ZNF30: variants seen among roughly 807,000 people sequenced by gnomAD.
ZNF30 encodes zinc finger protein 30 (KOX 28).
A neutral mutation model predicts 13.2 loss-of-function variants in ZNF30; 15 were observed. That is an observed-to-expected ratio of 1.13 (90% CI 0.76 to 1.75). ZNF30 has a LOEUF of 1.75. ZNF30 is among the 40% of genes most tolerant of loss of function. ZNF30 has a pLI of 0.00. For missense variants in ZNF30, 726 were observed against 757.0 expected (o/e 0.96, Z 0.48); for synonymous variants, 223 against 256.6 (o/e 0.87, Z 1.25).
At chr19:34,930,044 T>C (rs2012363822) in intron 2 of ZNF30, 88 bp downstream of exon 2, 1 of 1,328,574 alleles carries the variant, frequency 7.5e-7, no homozygotes, top group Non-Finnish European at 1.1e-6. Flanking sequence ...TTCATCAGAA[T>C]GTACCATCTA....
intron 1 of ZNF30, 25 bp from the exon 2 acceptor site, chr19:34,929,859 C>T (rs1484799391): frequency 4.7e-6 from 6 of 1,280,308 alleles, no homozygotes; most frequent in African/African-American, 1.6e-5. Flanking sequence ...CTAAAGCCTC[C>T]TTTTCTCCTC....
At chr19:34,942,635 T>C (rs2013102277) in intron 4 of ZNF30, 1 of 1,289,190 alleles carries the variant, frequency 7.8e-7, no homozygotes, top group Non-Finnish European at 1.0e-6. Context: ...TGCCAGAAGA[T>C]TTTTAGGCGA....
At chr19:34,926,896 G>GGGC (rs1228200568), upstream of ZNF30, 37 of 398,076 alleles carry the variant, frequency 9.3e-5, no homozygotes, top group Middle Eastern at 6.2e-4. Flanking sequence ...GGGCGCCGGT[G>GGGC]GGCGGCCTTG....
chr19:34,933,043 G>T (rs915286629), intron 3 of ZNF30, among the ~76,000 whole-genome samples: 1 of 151,986 alleles, frequency 6.6e-6, no homozygotes, highest in East Asian at 1.9e-4. Flanking sequence ...GCCTCCAAAA[G>T]TGCTGGGATT....
chr19:34,944,480 T>A lies in ZNF30; in HGVS notation c.1514T>A (p.Ile505Asn). 1.2e-6 allele frequency: 2 copies of A among 1,613,424 alleles called. No homozygotes were observed. The highest frequency in any genetic ancestry group is 1.7e-6 in the Non-Finnish European group (2 of 1,179,872). ...RASYLVQHSRIHTGKKPYECK... is the reference protein window; with the variant it reads ...RASYLVQHSRNHTGKKPYECK... Reference sequence around the variant, plus strand: ...TCGTACCTTGTACAACATAGCAGAATCCATACTGGTAAGAAGCCCTATGAG... The same window carrying A: ...TCGTACCTTGTACAACATAGCAGAAACCATACTGGTAAGAAGCCCTATGAG... The change falls in exon 5 of 5, where the codon ATC becomes AAC. Residue 505 changes from isoleucine (I) to asparagine (N), a missense_variant. Ile to Asn is a moderately radical substitution (Grantham distance 149). Coordinates refer to ENST00000601142, the MANE Select transcript of ZNF30 (RefSeq NM_194325.3).
intron 2 of ZNF30, among the ~76,000 whole-genome samples, chr19:34,930,226 C>G (rs753425842): frequency 1.3e-5 from 2 of 152,096 alleles, no homozygotes; most frequent in Non-Finnish European, 2.9e-5. Context: ...ATTGAAGTCC[C>G]GTGGCAGAAG....
At position 34,943,481 on chromosome 19, in the gene ZNF30, G is replaced by T; in HGVS notation, c.515G>T (p.Gly172Val). 1 of 1,613,938 alleles carries T rather than the reference G, an allele frequency of 6.2e-7. No individual in the cohort carries two copies. Among genetic ancestry groups the T allele is most frequent in the East Asian group, 2.2e-5 (1 of 44,884 alleles). The change falls in exon 5 of 5, where the codon GGT becomes GTT. Residue 172 changes from glycine to valine, a missense_variant. Gly to Val is a moderately radical substitution (Grantham distance 109, BLOSUM62 -3). Coordinates refer to ENST00000601142, the MANE Select transcript of ZNF30 (RefSeq NM_194325.3). ...ACCATACATCAGAGATTGCATGTTG[G>T]TGAGAAACCCTATAAATATGAAAAA... ...QLTIHQRLHV[G>V]EKPYKYEKCG... is the part of the protein sequence containing the mutation.
In ZNF30 at chr19:34,944,034, T is replaced by A. The variant is rs1201059180; in HGVS notation, c.1068T>A (p.Ser356Arg). 12 of 1,613,710 alleles carry A rather than the reference T, an allele frequency of 7.4e-6. No individual in the cohort carries two copies. The highest frequency in any genetic ancestry group is 1.0e-5 in the Non-Finnish European group (12 of 1,179,946). ...CKECGKAFRL[S>R]SFLHAHQRIH... ...AATGTGGAAAGGCCTTTAGACTTAG[T>A]TCCTTCCTTCATGCACATCAGCGAA... The change falls in exon 5 of 5, where the codon AGT becomes AGA. Residue 356 changes from serine (S) to arginine (R), a missense_variant. Coordinates refer to ENST00000601142, the MANE Select transcript of ZNF30 (RefSeq NM_194325.3).
chr19:34,942,745 T>A (rs148240785), intron 4 of ZNF30: 1 of 640,252 alleles, frequency 1.6e-6, no homozygotes, highest in Non-Finnish European at 2.5e-6. Context: ...GAGGGAGTTG[T>A]GTCTTGATAT....
chr19:34,938,609 A>G (rs1315656423), intron 4 of ZNF30, among the ~76,000 whole-genome samples: 1 of 152,136 alleles, frequency 6.6e-6, no homozygotes, highest in Non-Finnish European at 1.5e-5. Context: ...CTTTATTCCT[A>G]AATACTCCAG....
chr19:34,935,165 A>C (rs2012660321), intron 4 of ZNF30, among the ~76,000 whole-genome samples: 1 of 152,056 alleles, frequency 6.6e-6, no homozygotes, highest in African/African-American at 2.4e-5. Context: ...CAGGAGGCGG[A>C]GCTTGCAGTG....
At chr19:34,932,044 C>A in intron 3 of ZNF30, 51 bp downstream of exon 3, 1 of 1,471,410 alleles carries the variant, frequency 6.8e-7, no homozygotes, top group Non-Finnish European at 9.0e-7. Flanking sequence ...GTTATACTTT[C>A]TCCTTTGCAG....
Position 34,927,037 on chromosome 19 carries a change from C to T in ZNF30, c.-244C>T. ...ACTGGAACGACCTCAATCTCTGCCT[C>T]CTCGCCAGTTCATTGTGGTCGTTGA... is the stretch of plus-strand genomic sequence containing the variant. On this transcript the variant is annotated 5_prime_UTR_variant, in exon 1 of 5. Transcript: ENST00000601142. 5.0e-6 allele frequency: 2 copies of T among 398,614 alleles called. No homozygotes were observed. The highest frequency in any genetic ancestry group is 8.8e-6 in the Non-Finnish European group (2 of 226,022). 24.7% of individuals were successfully genotyped at this position (398,614 alleles called of 1,614,324 possible).
chr19:34,939,425 G>A (rs969355623), intron 4 of ZNF30, among the ~76,000 whole-genome samples: 27 of 150,954 alleles, frequency 1.8e-4, no homozygotes, highest in African/African-American at 6.6e-4. Context: ...TGATCCACCC[G>A]CTTCGGCCTC....
upstream of ZNF30, among the ~76,000 whole-genome samples, chr19:34,926,153 G>A (rs1442597652): frequency 6.6e-6 from 1 of 152,186 alleles, no homozygotes; most frequent in African/African-American, 2.4e-5. Flanking sequence ...CAGTCTGAGC[G>A]ACAGAGGGAG....
At chr19:34,928,242 TATATATATATATAGATAGATAG>T (rs1568534022) in intron 1 of ZNF30, among the ~76,000 whole-genome samples, 6 of 64,748 alleles carry the variant, frequency 9.3e-5, no homozygotes, top group African/African-American at 6.8e-4. Flanking sequence ...TATATATATA[TATATATATATATAGATAGATAG>T]ATAGATAGAT....
chr19:34,944,217 G>C lies in ZNF30; in HGVS notation c.1251G>C (p.Gln417His). Residue 417 changes from glutamine to histidine, a missense_variant, in exon 5 of 5, where the codon CAG becomes CAC. Coordinates refer to ENST00000601142, the MANE Select transcript of ZNF30 (RefSeq NM_194325.3). ...TTAGTACTGGCTCATACCTTGTTCA[G>C]CATCAGAGGATCCATACTGGGGAGA... ...KAFSTGSYLV[Q>H]HQRIHTGEKP... is the part of the protein sequence containing the mutation. 1 of 1,613,970 alleles carries C rather than the reference G, an allele frequency of 6.2e-7. No individual in the cohort carries two copies. Among genetic ancestry groups the C allele is most frequent in the Non-Finnish European group, 8.5e-7 (1 of 1,179,966 alleles).
At chr19:34,939,489 T>G (rs1233780443) in intron 4 of ZNF30, among the ~76,000 whole-genome samples, 1 of 152,122 alleles carries the variant, frequency 6.6e-6, no homozygotes, top group Admixed American at 6.5e-5. Flanking sequence ...AACTTCTGTA[T>G]CTTTAGTAGA....
At position 34,943,244 on chromosome 19, in the gene ZNF30, C is replaced by G. The variant is rs752552422; in HGVS notation, c.278C>G (p.Thr93Arg). The G allele has an allele frequency of 6.3e-7, 1 of 1,578,430 alleles. No individual in the cohort carries two copies. The highest frequency in any genetic ancestry group is 1.4e-5 in the African/African-American group (1 of 73,602). The change falls in exon 5 of 5, where the codon ACA becomes AGA. Residue 93 changes from threonine (T) to arginine (R), a missense_variant. Coordinates refer to ENST00000601142, the MANE Select transcript of ZNF30 (RefSeq NM_194325.3). The stretch of plus-strand genomic sequence containing the variant: ...TCAGATTTGCAGTTGGAAGATGATA[C>G]AATCGGCTGTAAAGAAATGCCCACC... ...WCTDLQLEDD[T>R]IGCKEMPTSE...
Sources: gnomAD v4.1 joint callset for allele counts (sites outside exome capture counted in the v4.1 genomes callset) on GRCh38, gnomAD v4.1.1 for gene constraint, MANE v1.5 for transcripts, NCBI Gene and HGNC (gene_info 2026-07-23, HGNC 2026-07-21) for gene names.